RALYL: variants seen among roughly 807,000 people sequenced by gnomAD.
RALYL encodes RNA-binding Raly-like protein.
In RALYL, 29 loss-of-function variants were observed where a neutral mutation model predicts 35.1. The observed-to-expected ratio is 0.83, with a 90% CI of 0.61 to 1.13. The LOEUF (loss-of-function observed/expected upper bound fraction) is 1.13, where lower values mean the gene tolerates loss of function less well. Ranked by LOEUF, RALYL falls within the 50% of genes most tolerant of loss-of-function variation. The pLI, the probability that RALYL is intolerant of heterozygous loss-of-function variation, is 0.00. For missense variants in RALYL, 359 were observed against 360.4 expected (o/e 1.00, Z 0.03); for synonymous variants, 120 against 127.6 (o/e 0.94, Z 0.40).
At chr8:84,591,823 T>G (rs1334426828) in intron 2 of RALYL, among the ~76,000 whole-genome samples, 1 of 152,216 alleles carries the variant, frequency 6.6e-6, no homozygotes, top group Admixed American at 6.6e-5. Context: ...AGATCCAGTG[T>G]GTCGAAGTGA....
At chr8:84,432,380 G>A (rs1219160505) in intron 1 of RALYL, among the ~76,000 whole-genome samples, 1 of 152,062 alleles carries the variant, frequency 6.6e-6, no homozygotes, top group East Asian at 1.9e-4. Flanking sequence ...GTTGAGGGGA[G>A]GGGAGAAATA....
At chr8:84,325,885 T>A (rs1439483554) in intron 1 of RALYL, among the ~76,000 whole-genome samples, 1 of 152,146 alleles carries the variant, frequency 6.6e-6, no homozygotes, top group Non-Finnish European at 1.5e-5. Flanking sequence ...ATTCTTACAC[T>A]TTGGGAGGCT....
At chr8:84,672,816 CAT>C (rs1833522257) in intron 2 of RALYL, among the ~76,000 whole-genome samples, 1 of 152,156 alleles carries the variant, frequency 6.6e-6, no homozygotes, top group Non-Finnish European at 1.5e-5. Context: ...CCTCCCATGA[CAT>C]GTGGGGATTG....
chr8:84,275,715 A>C (rs980434555), intron 1 of RALYL, among the ~76,000 whole-genome samples: 1 of 152,090 alleles, frequency 6.6e-6, no homozygotes, highest in Admixed American at 6.6e-5. Flanking sequence ...GGTAACCAAC[A>C]TGCTACTTTC....
chr8:84,867,924 G>C (rs144313214), intron 6 of RALYL, among the ~76,000 whole-genome samples: 150 of 152,248 alleles, frequency 9.9e-4, no homozygotes, highest in African/African-American at 3.4e-3. Flanking sequence ...GTCGGGGGCA[G>C]GGGGGACCAG....
chr8:84,367,323 T>TTTTGTTTTTTTTTTTTTTG (rs1234498090), intron 1 of RALYL, among the ~76,000 whole-genome samples: 1 of 13,540 alleles, frequency 7.4e-5, no homozygotes, highest in Non-Finnish European at 1.3e-4. Context: ...TTTGTATTTT[T>TTTTGTTTTTTTTTTTTTTG]TTTTTTTTTT....
chr8:84,366,305 C>A (rs1013204662), intron 1 of RALYL, among the ~76,000 whole-genome samples: 2 of 152,170 alleles, frequency 1.3e-5, no homozygotes, highest in Non-Finnish European at 2.9e-5. Context: ...TTCTAGATAT[C>A]AGTTTTTAAA....
chr8:84,820,952 A>G (rs1348051519), intron 4 of RALYL, among the ~76,000 whole-genome samples: 2 of 152,200 alleles, frequency 1.3e-5, no homozygotes, highest in East Asian at 1.9e-4. Context: ...TAAAAATAAG[A>G]TCTTAGTCTC....
intron 2 of RALYL, among the ~76,000 whole-genome samples, chr8:84,730,573 T>C (rs568895268): frequency 1.3e-5 from 2 of 152,182 alleles, no homozygotes; most frequent in East Asian, 1.9e-4. Flanking sequence ...GGTATTCAAT[T>C]AGGAAAAGAG....
intron 2 of RALYL, among the ~76,000 whole-genome samples, chr8:84,571,099 A>C (rs1388216622): frequency 6.6e-6 from 1 of 151,492 alleles, no homozygotes. Context: ...TATTGCATGT[A>C]GTTCTCTTTT....
chr8:84,344,410 C>T (rs1203443287), intron 1 of RALYL, among the ~76,000 whole-genome samples: 25 of 151,892 alleles, frequency 1.6e-4, no homozygotes, highest in South Asian at 2.1e-4. Flanking sequence ...AGCTGGGCAG[C>T]GACATAAGTG....
At chr8:84,728,415 T>G (rs887576399) in intron 2 of RALYL, among the ~76,000 whole-genome samples, 104 of 151,766 alleles carry the variant, frequency 6.9e-4, no homozygotes, top group African/African-American at 2.2e-3. Context: ...TTTCTCCCAT[T>G]TTGTAGGTTG....
chr8:84,903,706 A>C (rs1587109220), intron 8 of RALYL, among the ~76,000 whole-genome samples: 1 of 152,192 alleles, frequency 6.6e-6, no homozygotes, highest in Admixed American at 6.5e-5. Context: ...CCAAACCCGT[A>C]TTATAGTTCT....
intron 1 of RALYL, among the ~76,000 whole-genome samples, chr8:84,345,484 C>T (rs1849671737): frequency 6.6e-6 from 1 of 152,064 alleles, no homozygotes; most frequent in African/African-American, 2.4e-5. Context: ...ACACATTACC[C>T]TTGCCCCAGG....
At chr8:84,640,614 G>A (rs796695060) in intron 2 of RALYL, among the ~76,000 whole-genome samples, 7 of 151,862 alleles carry the variant, frequency 4.6e-5, no homozygotes, top group East Asian at 2.0e-4. Context: ...CTAGACCCTC[G>A]AGATAAAATG....
intron 1 of RALYL, among the ~76,000 whole-genome samples, chr8:84,285,596 G>A (rs1017507914): frequency 1.3e-5 from 2 of 152,144 alleles, no homozygotes; most frequent in Non-Finnish European, 2.9e-5. Flanking sequence ...TTGTGACTTA[G>A]CCAATAACAT....
intron 1 of RALYL, among the ~76,000 whole-genome samples, chr8:84,444,234 C>T (rs541039490): frequency 4.6e-5 from 7 of 151,968 alleles, no homozygotes; most frequent in South Asian, 2.1e-4. Flanking sequence ...GAAGCTGAGG[C>T]GGGAGGATCC....
At chr8:84,253,975 C>A (rs1830738239) in intron 1 of RALYL, among the ~76,000 whole-genome samples, 3 of 152,240 alleles carry the variant, frequency 2.0e-5, no homozygotes, top group South Asian at 2.1e-4. Flanking sequence ...TATTATTTCT[C>A]ATATTTTTGT....
intron 8 of RALYL, 99 bp downstream of exon 8, chr8:84,887,875 T>C (rs1843176193): frequency 9.3e-7 from 1 of 1,075,702 alleles, no homozygotes; most frequent in African/African-American, 1.6e-5. Context: ...ATTTGGGGCT[T>C]ATTTCTCTTA....
Sources: gnomAD v4.1 joint callset for allele counts (sites outside exome capture counted in the v4.1 genomes callset) on GRCh38, gnomAD v4.1.1 for gene constraint, MANE v1.5 for transcripts, NCBI Gene and HGNC (gene_info 2026-07-23, HGNC 2026-07-21) for gene names.